The following RAP1B variants were observed in gnomAD, a reference collection of about 807,000 sequenced individuals.
RAP1B encodes the protein ras-related protein Rap-1b.
RAP1B carries 1 observed loss-of-function variant against 27.5 expected under a neutral mutation model. That is an observed-to-expected ratio of 0.04 (90% confidence interval 0.01 to 0.17). RAP1B has a LOEUF of 0.17. RAP1B is among the 10% of genes least tolerant of loss of function. The pLI, the probability that RAP1B is intolerant of heterozygous loss-of-function variation, is 1.00. For missense variants in RAP1B, 84 were observed against 214.8 expected, an observed-to-expected ratio of 0.39 and a Z score of 3.81; for synonymous variants, 75 against 73.1, an observed-to-expected ratio of 1.03 and a Z score of -0.13.
At position 68,669,829 on chromosome 12, in the gene RAP1B, C is replaced by G. The variant is rs1312610903; in HGVS notation, c.*10580C>G. The G allele has an allele frequency of 6.6e-6, 1 of 151,012 alleles. No homozygotes were observed. Among genetic ancestry groups the G allele is most frequent in the Non-Finnish European group, 1.5e-5 (1 of 67,946 alleles). 9.4% of individuals were successfully genotyped at this position (151,012 alleles called of 1,614,324 possible). ...AAAAGAAAAAAGAAAAGAAATTAAG[C>G]AAAATGATCTTAAAGTTCAAGTGAA... On this transcript the variant is annotated 3_prime_UTR_variant, in exon 8 of 8. Coordinates refer to ENST00000250559, the MANE Select transcript of RAP1B (RefSeq NM_001010942.3).
chr12:68,620,650 G>C (rs1362845627), intron 1 of RAP1B, among the ~76,000 whole-genome samples: 1 of 143,668 alleles, frequency 7.0e-6, no homozygotes, highest in Non-Finnish European at 1.5e-5. Context: ...ATCTAGGCTT[G>C]AGTGCAGTGT....
At chr12:68,642,624 T>C in intron 1 of RAP1B, 1 of 1,040,010 alleles carries the variant, frequency 9.6e-7, no homozygotes, top group African/African-American at 1.6e-5. Context: ...TCAAATGGAA[T>C]TAAGTTCTTC....
At position 68,659,678 on chromosome 12, in the gene RAP1B, C is replaced by A. The variant is rs1874489258; in HGVS notation, c.*429C>A. 6.6e-6 allele frequency: 1 copy of A among 152,304 alleles called. No homozygotes were observed. The highest frequency in any genetic ancestry group is 1.9e-4 in the East Asian group (1 of 5,200). The allele number at this position is 152,304 out of a possible 1,614,324, so 9.4% of individuals were successfully genotyped here. On this transcript the variant is annotated 3_prime_UTR_variant, in exon 8 of 8. Coordinates refer to ENST00000250559, the MANE Select transcript of RAP1B (RefSeq NM_001010942.3). ...CCAAAGAGCTCCTATATAGACTACT[C>A]CAGATAACTTCGCTTCTTTGATACT...
At chr12:68,630,219 G>C (rs1872134610) in intron 1 of RAP1B, among the ~76,000 whole-genome samples, 1 of 152,200 alleles carries the variant, frequency 6.6e-6, no homozygotes, top group African/African-American at 2.4e-5. Flanking sequence ...AGCCTATAGT[G>C]CAAGTGTTGG....
chr12:68,653,270 A>G (rs1434661548), intron 4 of RAP1B, among the ~76,000 whole-genome samples: 1 of 151,986 alleles, frequency 6.6e-6, no homozygotes, highest in Non-Finnish European at 1.5e-5. Context: ...TAGACAAACT[A>G]AATTTGTAGG....
intron 7 of RAP1B, chr12:68,657,683 G>A (rs2135971761): frequency 6.3e-6 from 1 of 157,672 alleles, no homozygotes; most frequent in Admixed American, 6.6e-5. Flanking sequence ...TGAGATTACA[G>A]GCGTGAGCCA....
At chr12:68,642,748 C>G in intron 1 of RAP1B, 1 of 1,073,844 alleles carries the variant, frequency 9.3e-7, no homozygotes, top group East Asian at 2.4e-5. Context: ...TATATTTATC[C>G]TCTGGCACGG....
intron 5 of RAP1B, among the ~76,000 whole-genome samples, chr12:68,655,275 C>T (rs1386253697): frequency 1.3e-5 from 2 of 152,098 alleles, no homozygotes; most frequent in Non-Finnish European, 2.9e-5. Context: ...GCTGAGATCA[C>T]ATCACTGCAC....
rs989792393 is a variant in RAP1B at position 68,664,060 on chromosome 12, G to A, written c.*4811G>A. ...ACTATGTTGTTTTACTATGAACCTAGTTTAACCTGACTTTCCTTACAGACC... is the reference window on the plus strand; with the variant it reads ...ACTATGTTGTTTTACTATGAACCTAATTTAACCTGACTTTCCTTACAGACC... On this transcript the variant is annotated 3_prime_UTR_variant, in exon 8 of 8. Transcript: ENST00000250559. 3.9e-5 allele frequency: 6 copies of A among 152,246 alleles called. No individual in the cohort carries two copies. The South Asian group carries it at 1.2e-3, about 32-fold the overall frequency. 9.4% of individuals were successfully genotyped at this position (152,246 alleles called of 1,614,324 possible).
chr12:68,663,047 A>G lies in RAP1B; in HGVS notation c.*3798A>G, dbSNP rs886091666. 2 of 151,000 alleles carry G rather than the reference A, an allele frequency of 1.3e-5. No homozygotes were observed. The highest frequency in any genetic ancestry group is 4.9e-5 in the African/African-American group (2 of 41,022). 9.4% of individuals were successfully genotyped at this position (151,000 alleles called of 1,614,324 possible). A position where few individuals can be genotyped will look rare whatever the true frequency, so the allele number is the denominator to read the frequency against. On this transcript the variant is annotated 3_prime_UTR_variant, in exon 8 of 8. Transcript: ENST00000250559. ...TGTTACAGTGCATCAACACATTTGAATTTTCTTTTTTTTTCTTTTTCTTTT... is the reference window on the plus strand; with the variant it reads ...TGTTACAGTGCATCAACACATTTGAGTTTTCTTTTTTTTTCTTTTTCTTTT...
intron 7 of RAP1B, among the ~76,000 whole-genome samples, 156 bp from the exon 8 acceptor site, chr12:68,659,124 G>A (rs539163969): frequency 7.9e-5 from 12 of 152,270 alleles, no homozygotes; most frequent in South Asian, 2.1e-4. Context: ...AAGGTCTGCC[G>A]TGAATTGTGG....
intron 1 of RAP1B, chr12:68,641,267 G>C (rs1348594409): frequency 6.6e-6 from 1 of 152,170 alleles, no homozygotes; most frequent in Non-Finnish European, 1.5e-5. Flanking sequence ...GCTTGTCTCT[G>C]TCTGCCAGAG....
chr12:68,636,450 A>T (rs1872638104), intron 1 of RAP1B, among the ~76,000 whole-genome samples: 1 of 152,160 alleles, frequency 6.6e-6, no homozygotes, highest in Non-Finnish European at 1.5e-5. Flanking sequence ...TTTGTTTTAG[A>T]AACAAGTTCT....
intron 1 of RAP1B, among the ~76,000 whole-genome samples, chr12:68,620,128 C>T (rs1217745679): frequency 1.3e-5 from 2 of 151,274 alleles, no homozygotes; most frequent in Non-Finnish European, 2.9e-5. Flanking sequence ...TTCAAAAACA[C>T]ACCTGTAGAA....
intron 1 of RAP1B, among the ~76,000 whole-genome samples, chr12:68,622,162 T>A (rs1871430263): frequency 6.6e-6 from 1 of 152,232 alleles, no homozygotes; most frequent in Admixed American, 6.5e-5. Context: ...CTTATCTTTA[T>A]GTAGAGAAAG....
Position 68,610,963 on chromosome 12 carries a change from G to C in RAP1B, c.-107G>C, listed in dbSNP as rs192132433. 3,048 of 314,616 alleles carry C rather than the reference G, an allele frequency of 9.7e-3. 25 individuals carry two copies. The highest frequency in any genetic ancestry group is 0.018 in the South Asian group (126 of 7,122). The allele number at this position is 314,616 out of a possible 1,614,324, so 19.5% of individuals were successfully genotyped here. ...AGCCGGAGCGGCGCGGCAGCGGCAG[G>C]ACCGCCGTGGCGCCTAGAGTAGCGA... On this transcript the variant is annotated 5_prime_UTR_variant, in exon 1 of 8. Coordinates refer to ENST00000250559, the MANE Select transcript of RAP1B (RefSeq NM_001010942.3).
chr12:68,646,914 G>A (rs891933979), intron 1 of RAP1B, among the ~76,000 whole-genome samples: 5 of 151,872 alleles, frequency 3.3e-5, no homozygotes, highest in South Asian at 2.1e-4. Context: ...AGATTTTTTC[G>A]GATTACCAAT....
chr12:68,627,784 T>C (rs927651621), intron 1 of RAP1B, among the ~76,000 whole-genome samples: 5 of 152,144 alleles, frequency 3.3e-5, no homozygotes, highest in Non-Finnish European at 7.3e-5. Flanking sequence ...TAAGTTTTGG[T>C]AGATAGCCTT....
At chr12:68,640,490 T>G (rs1405366090) in intron 1 of RAP1B, among the ~76,000 whole-genome samples, 1 of 152,188 alleles carries the variant, frequency 6.6e-6, no homozygotes, top group Non-Finnish European at 1.5e-5. Context: ...TATATATTTA[T>G]TGATGTCAAA....
Sources: allele counts gnomAD v4.1 joint callset (sites outside exome capture counted in the v4.1 genomes callset), GRCh38; gene constraint gnomAD v4.1.1; transcripts MANE v1.5; gene names NCBI Gene and HGNC (gene_info 2026-07-23, HGNC 2026-07-21).